The following CEP162 variants were observed in gnomAD, a reference collection of about 807,000 sequenced individuals.
The protein encoded by CEP162 is centrosomal protein 162.
Under a neutral mutation model 169.2 loss-of-function variants are expected in CEP162, and 141 were observed. The ratio of observed to expected loss-of-function variants is 0.83; its 90% confidence interval spans 0.73 to 0.96. CEP162 has a LOEUF of 0.96. Among genes scored for constraint, CEP162 ranks in the 40% least tolerant of loss-of-function variants. The pLI, the probability that CEP162 is intolerant of heterozygous loss-of-function variation, is 0.00. For missense variants in CEP162, 1,600 were observed against 1,587.2 expected (o/e 1.01, Z -0.14); for synonymous variants, 540 against 526.4 (o/e 1.03, Z -0.35).
rs774620994 is a variant in CEP162 at position 84,169,314 on chromosome 6, G to A, written c.2385+14C>T. ...TTTATTATCCCTAATAGTCAAAATCGTTATGCAACTTACCTGTGCCATCCG... is the reference window on the plus strand; with the variant it reads ...TTTATTATCCCTAATAGTCAAAATCATTATGCAACTTACCTGTGCCATCCG... On this transcript the variant is annotated intron_variant, in intron 18 of 26. Coordinates refer to ENST00000403245, the MANE Select transcript of CEP162 (RefSeq NM_014895.4). The A allele has an allele frequency of 4.9e-5, 70 of 1,432,022 alleles. 1 individual carries two copies. In the African/African-American group the frequency reaches 7.1e-4, roughly 15 times the overall value. The allele number at this position is 1,432,022 out of a possible 1,614,324, so 88.7% of individuals were successfully genotyped here.
chr6:84,224,089 G>A lies in CEP162; in HGVS notation c.57+2248C>T, dbSNP rs186123463. Among the ~76,000 whole-genome samples, 90 of 152,278 alleles carry A rather than the reference G, an allele frequency of 5.9e-4. 1 individual carries two copies. The highest frequency in any genetic ancestry group is 2.0e-3 in the African/African-American group (84 of 41,552). On this transcript the variant is annotated intron_variant, in intron 2 of 26. Transcript: ENST00000403245. ...TCCACACAAAAACTTGTACATGATTGTTCATGGCAGCATTGTTTGTAACTG... is the reference window on the plus strand; with the variant it reads ...TCCACACAAAAACTTGTACATGATTATTCATGGCAGCATTGTTTGTAACTG...
intron 18 of CEP162, among the ~76,000 whole-genome samples, chr6:84,165,708 C>T (rs1384080531): frequency 6.6e-6 from 1 of 152,142 alleles, no homozygotes; most frequent in African/African-American, 2.4e-5. Flanking sequence ...CAGCAGTCAA[C>T]TTGGTATTTA....
At chr6:84,128,778 G>T (rs370234669) in intron 25 of CEP162, among the ~76,000 whole-genome samples, 1 of 151,936 alleles carries the variant, frequency 6.6e-6, no homozygotes. Context: ...GTGCCATGAT[G>T]GTTTGCTGCA....
At chr6:84,129,569 G>A (rs1459648918) in intron 25 of CEP162, among the ~76,000 whole-genome samples, 1 of 152,066 alleles carries the variant, frequency 6.6e-6, no homozygotes, top group Admixed American at 6.6e-5. Flanking sequence ...GTTCTTTATA[G>A]ATTCTGGATA....
intron 2 of CEP162, among the ~76,000 whole-genome samples, chr6:84,223,403 G>A (rs1211874541): frequency 2.6e-5 from 4 of 152,004 alleles, no homozygotes; most frequent in East Asian, 1.9e-4. Context: ...GGAGGCTGAC[G>A]CAGGAGAATC....
At chr6:84,150,881 T>C (rs2099520832) in intron 23 of CEP162, among the ~76,000 whole-genome samples, 1 of 152,158 alleles carries the variant, frequency 6.6e-6, no homozygotes, top group Non-Finnish European at 1.5e-5. Flanking sequence ...TTTCCCATGC[T>C]CATTCTCCTC....
At chr6:84,168,486 T>C (rs2129214826) in intron 18 of CEP162, among the ~76,000 whole-genome samples, 1 of 152,296 alleles carries the variant, frequency 6.6e-6, no homozygotes, top group South Asian at 2.1e-4. Flanking sequence ...CTAATTTACA[T>C]AATAATTGAA....
In CEP162 at chr6:84,152,394, C is replaced by T. The variant is rs141110894; in HGVS notation, c.3629+151G>A. ...GTAGAAGACCCTATCCTGAAACAGACACATGCTCAGCAATATAATATAATT... is the reference window on the plus strand; with the variant it reads ...GTAGAAGACCCTATCCTGAAACAGATACATGCTCAGCAATATAATATAATT... On this transcript the variant is annotated intron_variant, in intron 23 of 26. Transcript: ENST00000403245. The T allele has an allele frequency of 3.0e-3, 1,363 of 452,002 alleles. 22 individuals carry two copies. Among genetic ancestry groups the T allele is most frequent in the African/African-American group, 0.025 (1,241 of 48,948 alleles). The allele number at this position is 452,002 out of a possible 1,614,324, so 28.0% of individuals were successfully genotyped here.
chr6:84,151,577 G>A (rs1221230348), intron 23 of CEP162, among the ~76,000 whole-genome samples: 1 of 152,104 alleles, frequency 6.6e-6, no homozygotes, highest in Admixed American at 6.6e-5. Context: ...AAATCTAGAA[G>A]TCATGGTTCA....
chr6:84,183,001 C>G (rs2099535569), intron 13 of CEP162, among the ~76,000 whole-genome samples: 1 of 152,056 alleles, frequency 6.6e-6, no homozygotes. Context: ...TATAGTTCCT[C>G]TGAATAAAAC....
intron 18 of CEP162, 32 bp downstream of exon 18, chr6:84,169,296 T>A (rs1241101298): frequency 6.8e-6 from 8 of 1,170,018 alleles, no homozygotes; most frequent in Non-Finnish European, 2.4e-6. Flanking sequence ...ACCTTTATTA[T>A]CCCTAATAGT....
chr6:84,156,624 A>G (rs1191560569), intron 21 of CEP162, among the ~76,000 whole-genome samples: 2 of 152,156 alleles, frequency 1.3e-5, no homozygotes, highest in Admixed American at 1.3e-4. Flanking sequence ...TGGTGGGAGT[A>G]TAAATTAGTA....
In CEP162 at chr6:84,220,297, C is replaced by T. The variant is rs1437624194; in HGVS notation, c.172+760G>A. On this transcript the variant is annotated intron_variant, in intron 3 of 26. Transcript: ENST00000403245. Reference sequence around the variant, plus strand: ...ATGTAGGTACTGAAATAGAAGCAGTCGGGGTTGTTTACAGATGTGGCAGTA... The same window carrying T: ...ATGTAGGTACTGAAATAGAAGCAGTTGGGGTTGTTTACAGATGTGGCAGTA... Among the ~76,000 whole-genome samples, 2 of 152,038 alleles carry T rather than the reference C, an allele frequency of 1.3e-5. 1 individual carries two copies. The highest frequency in any genetic ancestry group is 4.1e-4 in the South Asian group (2 of 4,824).
intron 9 of CEP162, among the ~76,000 whole-genome samples, chr6:84,198,273 T>C (rs779414793): frequency 6.6e-6 from 1 of 152,022 alleles, no homozygotes; most frequent in Non-Finnish European, 1.5e-5. Flanking sequence ...TTTTATTTTA[T>C]TTTATTTATT....
rs375010543 is a variant in CEP162, at chr6:84,155,251, C to T, written c.2994+47G>A. ...GTGAGATCCTAAGAAGTGCCTGCCC[C>T]CATTGTTCATCTCTGACCTTTATCT... On this transcript the variant is annotated intron_variant, in intron 22 of 26. Coordinates refer to ENST00000403245, the MANE Select transcript of CEP162 (RefSeq NM_014895.4). 70 of 1,408,046 alleles carry T rather than the reference C, an allele frequency of 5.0e-5. 1 individual carries two copies. The African/African-American group carries it at 5.8e-4, about 12-fold the overall frequency. 87.2% of individuals were successfully genotyped at this position (1,408,046 alleles called of 1,614,324 possible). A position where few individuals can be genotyped will look rare whatever the true frequency, so the allele number is the denominator to read the frequency against.
intron 13 of CEP162, among the ~76,000 whole-genome samples, chr6:84,181,793 T>C (rs1047577095): frequency 4.6e-5 from 7 of 152,086 alleles, no homozygotes; most frequent in Non-Finnish European, 7.4e-5. Flanking sequence ...GAGAATATAT[T>C]AAATGTATCT....
chr6:84,215,232 C>T (rs1303953770), intron 5 of CEP162, 50 bp downstream of exon 5: 1 of 1,093,588 alleles, frequency 9.1e-7, no homozygotes, highest in Non-Finnish European at 1.2e-6. Context: ...ATCAGCCTTC[C>T]AAAAACATAG....
chr6:84,196,052 C>T (rs1242789174), intron 9 of CEP162, among the ~76,000 whole-genome samples: 2 of 152,270 alleles, frequency 1.3e-5, no homozygotes, highest in East Asian at 3.9e-4. Context: ...ACCTTGATGT[C>T]ATCATTCACT....
intron 25 of CEP162, among the ~76,000 whole-genome samples, chr6:84,127,833 G>C (rs1036664694): frequency 9.2e-5 from 14 of 152,292 alleles, no homozygotes; most frequent in Non-Finnish European, 2.1e-4. Flanking sequence ...GATGGCCAAT[G>C]ACTAGTGAGA....
Sources: gnomAD v4.1 joint callset for allele counts (sites outside exome capture counted in the v4.1 genomes callset) on GRCh38, gnomAD v4.1.1 for gene constraint, MANE v1.5 for transcripts, NCBI Gene and HGNC (gene_info 2026-07-23, HGNC 2026-07-21) for gene names.